KPNA7: variants seen among roughly 807,000 people sequenced by gnomAD.
KPNA7 encodes the protein importin subunit alpha-8.
KPNA7 carries 54 observed loss-of-function variants against 53.7 expected under a neutral mutation model. The observed-to-expected ratio is 1.01, with a 90% confidence interval of 0.81 to 1.26. The LOEUF is 1.26. Ranked by LOEUF, KPNA7 falls within the 50% of genes most tolerant of loss-of-function variation. The pLI is 0.00. For synonymous variants in KPNA7, 276 were observed against 259.3 expected, an observed-to-expected ratio of 1.06 and a Z score of -0.62; for missense variants, 640 against 644.5, an observed-to-expected ratio of 0.99 and a Z score of 0.07.
chr7:99,166,773 C>T, the KPNA7 span, among the ~76,000 whole-genome samples: 10 of 151,914 alleles, frequency 6.6e-5, no homozygotes, highest in African/African-American at 2.2e-4. Flanking sequence ...GCATGTGCCA[C>T]CACGCCCAGC....
At chr7:99,158,679 T>G in the KPNA7 span, among the ~76,000 whole-genome samples, 1 of 151,882 alleles carries the variant, frequency 6.6e-6, no homozygotes, top group African/African-American at 2.4e-5. Flanking sequence ...AATTTTTGTA[T>G]TTTTAGTAAA....
intron 3 of KPNA7, among the ~76,000 whole-genome samples, chr7:99,202,580 C>T (rs1790596502): frequency 6.6e-6 from 1 of 152,088 alleles, no homozygotes. Flanking sequence ...TACAGGGGCT[C>T]ACACCTGTAA....
In KPNA7 at chr7:99,199,215, C is replaced by T. The variant is rs556120840; in HGVS notation, c.202-3049G>A. Among the ~76,000 whole-genome samples, 6 of 151,920 alleles carry T rather than the reference C, an allele frequency of 3.9e-5. No individual in the cohort carries two copies. In the East Asian group the frequency reaches 5.8e-4, roughly 15 times the overall value. ...GGTTCAATGCAATCTCCATGAAAAT[C>T]GGAGCTGCCCTTATTGTAGAAATTG... is the stretch of plus-strand genomic sequence containing the variant. On this transcript the variant is annotated intron_variant, in intron 3 of 10. Transcript: ENST00000327442.
At chr7:99,146,765 T>G in the KPNA7 span, among the ~76,000 whole-genome samples, 1 of 143,912 alleles carries the variant, frequency 6.9e-6, no homozygotes, top group Non-Finnish European at 1.5e-5. Context: ...AAAATGCATT[T>G]ACTACACCTA....
intron 10 of KPNA7, among the ~76,000 whole-genome samples, chr7:99,175,071 C>A (rs1021273658): frequency 1.3e-5 from 2 of 151,898 alleles, no homozygotes; most frequent in Admixed American, 1.3e-4. Context: ...TTGGCCTCCC[C>A]CAAAGTGCTG....
chr7:99,169,998 T>G (rs1798743058), downstream of KPNA7, among the ~76,000 whole-genome samples: 1 of 151,718 alleles, frequency 6.6e-6, no homozygotes, highest in Non-Finnish European at 1.5e-5. Context: ...GCAGAGATTG[T>G]GCCACTGTAC....
downstream of KPNA7, among the ~76,000 whole-genome samples, chr7:99,170,489 C>A (rs1380935031): frequency 6.6e-6 from 1 of 151,262 alleles, no homozygotes; most frequent in African/African-American, 2.4e-5. Context: ...ATGGTGGTGG[C>A]AGGGGAGATA....
At chr7:99,161,198 G>A in the KPNA7 span, among the ~76,000 whole-genome samples, 32 of 147,062 alleles carry the variant, frequency 2.2e-4, no homozygotes, top group African/African-American at 7.6e-4. Flanking sequence ...TCTGTCTTGG[G>A]GATTCTGTCT....
the KPNA7 span, among the ~76,000 whole-genome samples, chr7:99,146,736 A>C: frequency 6.0e-5 from 8 of 132,238 alleles, no homozygotes; most frequent in African/African-American, 1.7e-4. Context: ...AAAAAAAAAA[A>C]AAAAAAAAAA....
chr7:99,199,431 A>G (rs2150759745), intron 3 of KPNA7, among the ~76,000 whole-genome samples: 1 of 152,318 alleles, frequency 6.6e-6, no homozygotes, highest in East Asian at 1.9e-4. Context: ...AGAGTCCACA[A>G]ATGAACCCTC....
chr7:99,146,098 G>T, the KPNA7 span, among the ~76,000 whole-genome samples: 1 of 152,128 alleles, frequency 6.6e-6, no homozygotes, highest in Non-Finnish European at 1.5e-5. Flanking sequence ...AATCCCGTTA[G>T]TATTTCCCCC....
chr7:99,192,918 T>A, intron 6 of KPNA7, 101 bp downstream of exon 6: 2 of 795,820 alleles, frequency 2.5e-6, no homozygotes, highest in Non-Finnish European at 1.9e-6. Flanking sequence ...AAGCCAGGAG[T>A]TCAAGACCAG....
At chr7:99,167,855 G>A in the KPNA7 span, among the ~76,000 whole-genome samples, 2 of 151,858 alleles carry the variant, frequency 1.3e-5, no homozygotes, top group African/African-American at 4.8e-5. Flanking sequence ...CTAGTTGCAG[G>A]AAAACAAGCT....
At chr7:99,170,408 G>A (rs1397516729), downstream of KPNA7, among the ~76,000 whole-genome samples, 1 of 151,784 alleles carries the variant, frequency 6.6e-6, no homozygotes, top group Non-Finnish European at 1.5e-5. Context: ...ACCCCAGAAA[G>A]TAAAAAATAA....
chr7:99,191,474 G>A (rs1426568071), intron 6 of KPNA7, among the ~76,000 whole-genome samples: 1 of 152,102 alleles, frequency 6.6e-6, no homozygotes, highest in African/African-American at 2.4e-5. Flanking sequence ...AACCAGAAGG[G>A]CCTTTCTGAA....
At chr7:99,184,260 TCCTCCTA>T (rs1416107352) in intron 8 of KPNA7, among the ~76,000 whole-genome samples, 8 of 151,044 alleles carry the variant, frequency 5.3e-5, no homozygotes, top group Non-Finnish European at 1.0e-4. Context: ...GCTCAATTGA[TCCTCCTA>T]CCTTAGCCTC....
intron 6 of KPNA7, among the ~76,000 whole-genome samples, chr7:99,189,836 C>T (rs1438651405): frequency 6.6e-6 from 1 of 152,126 alleles, no homozygotes; most frequent in African/African-American, 2.4e-5. Context: ...AAGGGATCCT[C>T]CTGCCTCGGC....
In KPNA7 at chr7:99,177,987, A is replaced by G. The variant is rs1325774272; in HGVS notation, c.1397T>C (p.Leu466Ser). 6.4e-7 allele frequency: 1 copy of G among 1,551,934 alleles called. No homozygotes were observed. The highest frequency in any genetic ancestry group is 1.2e-5 in the South Asian group (1 of 84,054). Residue 466 changes from leucine to serine, a missense_variant, in exon 10 of 11, where the codon TTA becomes TCA. Leu to Ser is a moderately radical substitution (Grantham distance 145). Transcript: ENST00000327442. Reference protein sequence around the residue: ...ELGGIDRIEALQLHENRQIGQ... With the variant: ...ELGGIDRIEASQLHENRQIGQ... ...AATTTGACGGTTCTCATGCAGCTGT[A>G]AAGCCTCAATTCTATCGATCCCACC... is the stretch of plus-strand genomic sequence containing the variant.
the KPNA7 span, among the ~76,000 whole-genome samples, chr7:99,168,394 A>G: frequency 6.6e-6 from 1 of 152,218 alleles, no homozygotes; most frequent in Non-Finnish European, 1.5e-5. Context: ...TATCCCCAAC[A>G]GAGCAAAACC....
Sources: allele counts gnomAD v4.1 joint callset (sites outside exome capture counted in the v4.1 genomes callset), GRCh38; gene constraint gnomAD v4.1.1; transcripts MANE v1.5; gene names NCBI Gene and HGNC (gene_info 2026-07-23, HGNC 2026-07-21).